Variants in CPA6 observed in about 807,000 individuals in gnomAD.
CPA6 encodes carboxypeptidase A6, also known as carboxypeptidase B.
Under a neutral mutation model 63.3 loss-of-function variants are expected in CPA6, and 58 were observed. The ratio of observed to expected loss-of-function variants is 0.92; its 90% CI spans 0.74 to 1.14. CPA6 has a LOEUF of 1.14. CPA6 is among the 50% of genes most tolerant of loss of function. The probability of loss-of-function intolerance (pLI) is 0.00; values close to 1 mark genes in which losing one functional copy is unlikely to be tolerated. For synonymous variants in CPA6, 185 were observed against 179.0 expected, an observed-to-expected ratio of 1.03 and a Z score of -0.27; for missense variants, 565 against 526.6, an observed-to-expected ratio of 1.07 and a Z score of -0.71.
chr8:67,457,684 T>A (rs975217162), intron 8 of CPA6, among the ~76,000 whole-genome samples: 2 of 146,500 alleles, frequency 1.4e-5, no homozygotes, highest in Admixed American at 1.3e-4. Context: ...GATCATGTTA[T>A]TCCCCCAACC....
chr8:67,652,750 C>G (rs1238874166), intron 1 of CPA6, among the ~76,000 whole-genome samples: 1 of 151,854 alleles, frequency 6.6e-6, no homozygotes, highest in African/African-American at 2.4e-5. Flanking sequence ...TTAATTAGAT[C>G]CCATTTGTCA....
chr8:67,675,283 C>T (rs16933512), intron 1 of CPA6, among the ~76,000 whole-genome samples: 14,415 of 152,120 alleles, frequency 0.095, 1,292 homozygotes, highest in African/African-American at 0.23. Context: ...CCTCTCCCAA[C>T]GCTGGGCTGG....
At chr8:67,500,708 A>AT (rs143057233) in intron 6 of CPA6, among the ~76,000 whole-genome samples, 2 of 151,174 alleles carry the variant, frequency 1.3e-5, no homozygotes, top group African/African-American at 4.9e-5. Flanking sequence ...TTTTGAGTTA[A>AT]TTTTTTTGTA....
intron 8 of CPA6, among the ~76,000 whole-genome samples, chr8:67,471,512 GT>G (rs898178161): frequency 1.3e-5 from 2 of 150,216 alleles, no homozygotes; most frequent in African/African-American, 4.9e-5. Context: ...CATTAGTGTT[GT>G]TTTTTTTTGT....
At chr8:67,710,908 TGTA>T (rs1182472068) in intron 1 of CPA6, among the ~76,000 whole-genome samples, 1 of 152,222 alleles carries the variant, frequency 6.6e-6, no homozygotes, top group Non-Finnish European at 1.5e-5. Context: ...AAGATAGAGT[TGTA>T]GTCATTTGGT....
intron 1 of CPA6, among the ~76,000 whole-genome samples, chr8:67,731,769 A>T (rs1432485618): frequency 6.6e-6 from 1 of 152,202 alleles, no homozygotes; most frequent in African/African-American, 2.4e-5. Flanking sequence ...ACCTAAAGAG[A>T]TAGAAAAAAA....
At chr8:67,554,514 T>G (rs1286662083) in intron 2 of CPA6, among the ~76,000 whole-genome samples, 1 of 152,138 alleles carries the variant, frequency 6.6e-6, no homozygotes, top group African/African-American at 2.4e-5. Context: ...GGATTAAAAT[T>G]CAACATAAGA....
chr8:67,442,146 T>A (rs1380997700), intron 8 of CPA6, among the ~76,000 whole-genome samples: 1 of 152,112 alleles, frequency 6.6e-6, no homozygotes, highest in South Asian at 2.1e-4. Context: ...AGGGCTTATA[T>A]TTTAAAATTA....
chr8:67,700,845 GCATT>G (rs1397671409), intron 1 of CPA6, among the ~76,000 whole-genome samples: 1 of 152,098 alleles, frequency 6.6e-6, no homozygotes, highest in African/African-American at 2.4e-5. Flanking sequence ...TAACATGCTA[GCATT>G]CAAACATAAA....
At chr8:67,665,466 C>G (rs10504406) in intron 1 of CPA6, among the ~76,000 whole-genome samples, 17,662 of 152,144 alleles carry the variant, frequency 0.12, 1,572 homozygotes, top group African/African-American at 0.25. Flanking sequence ...AGTACAAGAA[C>G]TGAAAACAAA....
At chr8:67,671,663 T>C (rs1383257876) in intron 1 of CPA6, among the ~76,000 whole-genome samples, 5 of 152,124 alleles carry the variant, frequency 3.3e-5, no homozygotes, top group Non-Finnish European at 4.4e-5. Context: ...TTCTGAAAAA[T>C]GCTTTTATTT....
intron 1 of CPA6, among the ~76,000 whole-genome samples, chr8:67,651,518 G>T (rs1415494041): frequency 1.3e-5 from 2 of 151,760 alleles, no homozygotes; most frequent in Non-Finnish European, 2.9e-5. Flanking sequence ...ATATGATAGG[G>T]CTTCATGATT....
intron 1 of CPA6, among the ~76,000 whole-genome samples, chr8:67,685,871 C>T (rs1587701337): frequency 1.3e-5 from 2 of 152,266 alleles, no homozygotes; most frequent in Middle Eastern, 6.8e-3. Flanking sequence ...ATGGTTTGCT[C>T]TCTTATTTCA....
At chr8:67,589,337 A>G (rs976967209) in intron 2 of CPA6, among the ~76,000 whole-genome samples, 1 of 152,244 alleles carries the variant, frequency 6.6e-6, no homozygotes, top group African/African-American at 2.4e-5. Flanking sequence ...GAAATAATAC[A>G]CTGGCAAATG....
rs182122223 is a variant in CPA6, at chr8:67,613,303, A to T, written c.192+10873T>A. 7.9e-5 allele frequency among the ~76,000 whole-genome samples: 12 copies of T among 152,332 alleles called. No individual in the cohort carries two copies. In the South Asian group the frequency reaches 2.3e-3, roughly 29 times the overall value. ...AATCCAAGTTAGTGTTGTTTGTATT[A>T]TAATTATAGGCAAATAGATGGATGA... is the stretch of plus-strand genomic sequence containing the variant. On this transcript the variant is annotated intron_variant, in intron 2 of 10. Transcript: ENST00000297770.
chr8:67,614,564 A>G (rs1295461006), intron 2 of CPA6, among the ~76,000 whole-genome samples: 1 of 152,222 alleles, frequency 6.6e-6, no homozygotes, highest in African/African-American at 2.4e-5. Context: ...AGACCAGAGC[A>G]GGCGACCTCC....
chr8:67,566,383 G>A (rs1366540861), intron 2 of CPA6, among the ~76,000 whole-genome samples: 3 of 152,192 alleles, frequency 2.0e-5, no homozygotes, highest in South Asian at 2.1e-4. Context: ...GTCCATATCT[G>A]ACAGCTGAGC....
intron 1 of CPA6, among the ~76,000 whole-genome samples, chr8:67,736,495 A>T (rs1476338034): frequency 6.6e-6 from 1 of 152,116 alleles, no homozygotes; most frequent in East Asian, 1.9e-4. Flanking sequence ...ACTTTGCAGC[A>T]CTTGATATGA....
chr8:67,575,203 T>C (rs1440076661), intron 2 of CPA6, among the ~76,000 whole-genome samples: 3 of 152,124 alleles, frequency 2.0e-5, no homozygotes, highest in Non-Finnish European at 4.4e-5. Context: ...TCATACCTGA[T>C]AGGATGGCTA....
Sources: allele counts gnomAD v4.1 joint callset (sites outside exome capture counted in the v4.1 genomes callset), GRCh38; gene constraint gnomAD v4.1.1; transcripts MANE v1.5; gene names NCBI Gene and HGNC (gene_info 2026-07-23, HGNC 2026-07-21).